SERGEF: variants seen among roughly 807,000 people sequenced by gnomAD.
SERGEF encodes the protein secretion regulating guanine nucleotide exchange factor, also known as secretion-regulating guanine nucleotide exchange factor.
A neutral mutation model predicts 50.0 loss-of-function variants in SERGEF; 51 were observed. That is an observed-to-expected ratio of 1.02 (90% CI 0.81 to 1.29). The LOEUF (loss-of-function observed/expected upper bound fraction) is 1.29, where lower values mean the gene tolerates loss of function less well. SERGEF is among the 50% of genes most tolerant of loss of function. SERGEF has a pLI of 0.00. For synonymous variants in SERGEF, 205 were observed against 212.4 expected (o/e 0.97, Z 0.30); for missense variants, 521 against 557.0 (o/e 0.94, Z 0.65).
rs527652390 is a variant in SERGEF at position 17,903,855 on chromosome 11, C to T, written c.1012-25611G>A. The stretch of plus-strand genomic sequence containing the variant: ...GTCATTAATGTAGGGAAGAGGACAG[C>T]CGTGGAGAAAAAGGGAAAGGGGAGT... On this transcript the variant is annotated intron_variant, in intron 9 of 10. Coordinates refer to ENST00000265965, the MANE Select transcript of SERGEF (RefSeq NM_012139.4). Among the ~76,000 whole-genome samples, 3 of 152,196 alleles carry T rather than the reference C, an allele frequency of 2.0e-5. No homozygotes were observed. The South Asian group carries it at 6.2e-4, about 32-fold the overall frequency.
chr11:17,994,068 T>C (rs960379788), intron 6 of SERGEF, among the ~76,000 whole-genome samples: 2 of 152,208 alleles, frequency 1.3e-5, no homozygotes, highest in African/African-American at 4.8e-5. Flanking sequence ...GACACACCGC[T>C]TCCACCCTTT....
At chr11:17,877,590 C>T (rs568780539) in intron 10 of SERGEF, among the ~76,000 whole-genome samples, 2 of 152,312 alleles carry the variant, frequency 1.3e-5, no homozygotes, top group South Asian at 2.1e-4. Flanking sequence ...CCCTACACTG[C>T]AGTCTCTTTA....
At chr11:17,836,622 A>G (rs980976154) in intron 10 of SERGEF, among the ~76,000 whole-genome samples, 2 of 152,226 alleles carry the variant, frequency 1.3e-5, no homozygotes, top group Non-Finnish European at 2.9e-5. Flanking sequence ...ACATCAGTGC[A>G]TATCTCCTAA....
chr11:17,902,669 C>T (rs113534304), intron 9 of SERGEF, among the ~76,000 whole-genome samples: 2 of 152,108 alleles, frequency 1.3e-5, no homozygotes, highest in East Asian at 1.9e-4. Context: ...TGGGCAGAAA[C>T]GAGGAATTAG....
intron 10 of SERGEF, among the ~76,000 whole-genome samples, chr11:17,824,373 G>T (rs1434992213): frequency 6.6e-6 from 1 of 151,988 alleles, no homozygotes; most frequent in Non-Finnish European, 1.5e-5. Context: ...AGCCATCTTG[G>T]ACCTTGAGAA....
At chr11:17,839,669 T>C (rs1850465785) in intron 10 of SERGEF, among the ~76,000 whole-genome samples, 1 of 152,144 alleles carries the variant, frequency 6.6e-6, no homozygotes, top group African/African-American at 2.4e-5. Flanking sequence ...GTGCAGAGCA[T>C]GCAAACTCAA....
rs1029734556 is a variant in SERGEF at position 18,008,825 on chromosome 11, C to A, written c.61-749G>T. 2.0e-5 allele frequency among the ~76,000 whole-genome samples: 3 copies of A among 151,994 alleles called. No individual in the cohort carries two copies. In the East Asian group the frequency reaches 5.8e-4, roughly 29 times the overall value. On this transcript the variant is annotated intron_variant, in intron 1 of 10. Transcript: ENST00000265965. ...GAACTTCAGCCCCCAAATGAGAACA[C>A]TATCCAGCGTGTTTCAAATAAATTA...
intron 3 of SERGEF, among the ~76,000 whole-genome samples, chr11:18,005,703 C>T (rs1034415783): frequency 3.9e-5 from 6 of 152,302 alleles, no homozygotes; most frequent in Admixed American, 1.3e-4. Flanking sequence ...GTCAAAACTG[C>T]TTCAAGGGAA....
chr11:17,813,549 A>G (rs752264826), intron 10 of SERGEF, among the ~76,000 whole-genome samples: 36 of 152,364 alleles, frequency 2.4e-4, no homozygotes, highest in Non-Finnish European at 4.1e-4. Flanking sequence ...CATGGAATGG[A>G]GTCCAGCTCT....
At chr11:17,901,934 G>A (rs1027836147) in intron 9 of SERGEF, among the ~76,000 whole-genome samples, 1 of 152,166 alleles carries the variant, frequency 6.6e-6, no homozygotes, top group African/African-American at 2.4e-5. Flanking sequence ...TATCTGTAAC[G>A]TGAACATAAC....
intron 8 of SERGEF, among the ~76,000 whole-genome samples, chr11:17,967,954 A>G (rs1486499360): frequency 6.6e-6 from 1 of 152,162 alleles, no homozygotes; most frequent in African/African-American, 2.4e-5. Context: ...CTGCCTCCCT[A>G]AAGCACCCTA....
intron 8 of SERGEF, among the ~76,000 whole-genome samples, chr11:17,983,120 T>C (rs1160730588): frequency 6.6e-6 from 1 of 152,222 alleles, no homozygotes; most frequent in Non-Finnish European, 1.5e-5. Context: ...TTTCAATCCA[T>C]ATTCCTTGTA....
chr11:17,936,431 C>T (rs1852453612), intron 9 of SERGEF, among the ~76,000 whole-genome samples: 1 of 152,224 alleles, frequency 6.6e-6, no homozygotes, highest in South Asian at 2.1e-4. Context: ...GTAGTCATAT[C>T]AGCATTACGA....
At chr11:17,896,172 T>C (rs1049760143) in intron 9 of SERGEF, among the ~76,000 whole-genome samples, 6 of 152,112 alleles carry the variant, frequency 3.9e-5, no homozygotes, top group African/African-American at 1.4e-4. Flanking sequence ...TTAAGATCAT[T>C]GACAAAATGA....
rs574963606 is a variant in SERGEF, at chr11:17,988,712, T to A, written c.729A>T (p.Gln243His). The A allele has an allele frequency of 6.2e-7, 1 of 1,614,150 alleles. No individual in the cohort carries two copies. The highest frequency in any genetic ancestry group is 8.5e-7 in the Non-Finnish European group (1 of 1,180,000). The change falls in exon 8 of 11, where the codon CAA becomes CAT. Residue 243 changes from glutamine (Q) to histidine (H), a missense_variant. Transcript: ENST00000265965. ...VYVWGSNKHG[Q>H]LANEAAFLPV... ...GAAGGAAAGCAGCCTCATTAGCCAGTTGCCCATGCTTGTTGCTTCCCCAAA... is the reference window on the plus strand; with the variant it reads ...GAAGGAAAGCAGCCTCATTAGCCAGATGCCCATGCTTGTTGCTTCCCCAAA...
intron 10 of SERGEF, among the ~76,000 whole-genome samples, chr11:17,863,890 G>A (rs1481239697): frequency 6.6e-6 from 1 of 152,252 alleles, no homozygotes; most frequent in African/African-American, 2.4e-5. Flanking sequence ...CTGAGTCTAT[G>A]AAGATGTTAA....
At chr11:17,914,352 A>C (rs1169865928) in intron 9 of SERGEF, among the ~76,000 whole-genome samples, 1 of 152,246 alleles carries the variant, frequency 6.6e-6, no homozygotes, top group African/African-American at 2.4e-5. Flanking sequence ...TTATCCTCAG[A>C]GATGACGATT....
At chr11:18,006,291 T>C (rs2134013311) in intron 3 of SERGEF, among the ~76,000 whole-genome samples, 1 of 152,294 alleles carries the variant, frequency 6.6e-6, no homozygotes, top group South Asian at 2.1e-4. Flanking sequence ...CCCAAATAGC[T>C]GGGACTACAG....
chr11:17,827,194 G>T lies in SERGEF; in HGVS notation c.1049-38781C>A, dbSNP rs151187622. Among the ~76,000 whole-genome samples, 1,083 of 152,240 alleles carry T rather than the reference G, an allele frequency of 7.1e-3. 11 individuals are homozygous for T. Among genetic ancestry groups the T allele is most frequent in the African/African-American group, 0.025 (1,038 of 41,544 alleles). On this transcript the variant is annotated intron_variant, in intron 10 of 10. Transcript: ENST00000265965. ...TAAACCTCTCAGCCTATTGAATCCT[G>T]CCCTCTAGGGGCAACCATTATGATA...
Sources: gnomAD v4.1 joint callset for allele counts (sites outside exome capture counted in the v4.1 genomes callset) on GRCh38, gnomAD v4.1.1 for gene constraint, MANE v1.5 for transcripts, NCBI Gene and HGNC (gene_info 2026-07-23, HGNC 2026-07-21) for gene names.